The following THSD7A variants were observed in gnomAD, a reference collection of about 807,000 sequenced individuals.
THSD7A encodes thrombospondin type-1 domain-containing protein 7A.
Under a neutral mutation model 231.3 loss-of-function variants are expected in THSD7A, and 96 were observed. The observed-to-expected ratio is 0.41, with a 90% CI of 0.35 to 0.49. THSD7A has a LOEUF of 0.49. THSD7A is among the 20% of genes least tolerant of loss of function. The probability of loss-of-function intolerance (pLI) is 0.05; values close to 1 mark genes in which losing one functional copy is unlikely to be tolerated. For missense variants in THSD7A, 2,290 were observed against 2,070.2 expected (o/e 1.11, Z -2.06); for synonymous variants, 940 against 743.3 (o/e 1.26, Z -4.30).
chr7:11,462,872 C>T (rs1785557151), intron 9 of THSD7A, among the ~76,000 whole-genome samples: 1 of 152,060 alleles, frequency 6.6e-6, no homozygotes, highest in East Asian at 1.9e-4. Context: ...GACAGTATGA[C>T]TGATGTAAGG....
chr7:11,549,632 A>G (rs756018377), intron 4 of THSD7A, among the ~76,000 whole-genome samples: 5 of 152,138 alleles, frequency 3.3e-5, no homozygotes, highest in Non-Finnish European at 5.9e-5. Flanking sequence ...TTGAAGGGAC[A>G]TGGATGGAGC....
intron 1 of THSD7A, among the ~76,000 whole-genome samples, chr7:11,743,229 C>A (rs979167983): frequency 3.3e-5 from 5 of 151,938 alleles, no homozygotes; most frequent in Non-Finnish European, 5.9e-5. Context: ...GTTATCTTTA[C>A]AAGGCAGCTC....
chr7:11,412,439 A>G (rs1277508366), intron 18 of THSD7A, among the ~76,000 whole-genome samples: 3 of 152,192 alleles, frequency 2.0e-5, no homozygotes, highest in Non-Finnish European at 4.4e-5. Context: ...TTAAGGGCTA[A>G]TGTCTGTTGA....
At chr7:11,714,816 C>A (rs1315217373) in intron 1 of THSD7A, among the ~76,000 whole-genome samples, 1 of 151,338 alleles carries the variant, frequency 6.6e-6, no homozygotes, top group African/African-American at 2.4e-5. Flanking sequence ...CCATTTAGCT[C>A]TTTTCTACCA....
intron 1 of THSD7A, among the ~76,000 whole-genome samples, chr7:11,704,220 C>A (rs547540752): frequency 2.6e-5 from 4 of 151,026 alleles, no homozygotes; most frequent in South Asian, 4.2e-4. Context: ...TCACAGTACA[C>A]CATTACTCCT....
At chr7:11,398,377 G>A (rs1470549390) in intron 23 of THSD7A, among the ~76,000 whole-genome samples, 1 of 151,974 alleles carries the variant, frequency 6.6e-6, no homozygotes, top group Admixed American at 6.6e-5. Flanking sequence ...CACACACTGG[G>A]GCCTGTCGAG....
intron 6 of THSD7A, among the ~76,000 whole-genome samples, chr7:11,501,872 T>C: frequency 6.6e-6 from 1 of 152,014 alleles, no homozygotes; most frequent in East Asian, 1.9e-4. Context: ...AGTAATAAAA[T>C]AGTTTAGCCA....
At chr7:11,617,980 G>A (rs1299916377) in intron 2 of THSD7A, among the ~76,000 whole-genome samples, 3 of 152,090 alleles carry the variant, frequency 2.0e-5, no homozygotes, top group Non-Finnish European at 4.4e-5. Flanking sequence ...AGAACTTAAA[G>A]TATAACAATA....
At chr7:11,404,079 C>T (rs1783500487) in intron 22 of THSD7A, among the ~76,000 whole-genome samples, 1 of 152,090 alleles carries the variant, frequency 6.6e-6, no homozygotes, top group Non-Finnish European at 1.5e-5. Context: ...TGTGTTTGCT[C>T]TATGTTATCA....
chr7:11,819,121 C>T (rs1417535142), intron 1 of THSD7A, among the ~76,000 whole-genome samples: 1 of 152,058 alleles, frequency 6.6e-6, no homozygotes, highest in Non-Finnish European at 1.5e-5. Context: ...TAGGGAACTG[C>T]AAATTGAAAC....
chr7:11,663,025 A>G (rs1782989641), intron 1 of THSD7A, among the ~76,000 whole-genome samples: 1 of 151,276 alleles, frequency 6.6e-6, no homozygotes, highest in African/African-American at 2.4e-5. Context: ...TAATAAAATG[A>G]AGCCAAAGAA....
chr7:11,670,274 C>T (rs1783328567), intron 1 of THSD7A, among the ~76,000 whole-genome samples: 1 of 152,106 alleles, frequency 6.6e-6, no homozygotes, highest in African/African-American at 2.4e-5. Context: ...AGGAGTTTAA[C>T]CTTTAGGTTC....
intron 1 of THSD7A, among the ~76,000 whole-genome samples, chr7:11,691,763 A>G (rs1357061691): frequency 6.6e-6 from 1 of 151,400 alleles, no homozygotes; most frequent in Non-Finnish European, 1.5e-5. Flanking sequence ...CAACTTTAGT[A>G]GCTATTAAAC....
At chr7:11,741,835 A>C (rs1782125308) in intron 1 of THSD7A, among the ~76,000 whole-genome samples, 1 of 151,938 alleles carries the variant, frequency 6.6e-6, no homozygotes, top group African/African-American at 2.4e-5. Flanking sequence ...AATAGTATTT[A>C]TAAAACTACC....
chr7:11,405,374 C>G (rs1408647717), intron 22 of THSD7A, among the ~76,000 whole-genome samples: 1 of 151,944 alleles, frequency 6.6e-6, no homozygotes, highest in Non-Finnish European at 1.5e-5. Context: ...ATTTTGAGGT[C>G]ACATTCAAAA....
At chr7:11,558,024 T>C (rs1789921094) in intron 4 of THSD7A, among the ~76,000 whole-genome samples, 1 of 152,166 alleles carries the variant, frequency 6.6e-6, no homozygotes, top group Admixed American at 6.6e-5. Flanking sequence ...GTTGGTCTTT[T>C]ATTTGTCCTT....
chr7:11,663,368 A>T (rs1317786861), intron 1 of THSD7A, among the ~76,000 whole-genome samples: 1 of 151,610 alleles, frequency 6.6e-6, no homozygotes, highest in Non-Finnish European at 1.5e-5. Context: ...TAATGAAAAC[A>T]TGTCTGCAAG....
At chr7:11,776,572 G>T (rs1431790968) in intron 1 of THSD7A, among the ~76,000 whole-genome samples, 1 of 152,056 alleles carries the variant, frequency 6.6e-6, no homozygotes, top group Non-Finnish European at 1.5e-5. Context: ...ACTGTATAAG[G>T]TTTGTCTTTG....
chr7:11,602,629 A>G lies in THSD7A; in HGVS notation c.1023-9127T>C, dbSNP rs566946708. ...GAAAATGGATTTTTCCTTGGTCTCA[A>G]TTTAGACAGTTTTGGGTGAGCAGTG... On this transcript the variant is annotated intron_variant, in intron 2 of 27. Transcript: ENST00000423059. Among the ~76,000 whole-genome samples the G allele has an allele frequency of 4.6e-5, 7 of 152,064 alleles. 2 individuals are homozygous for G. The highest frequency in any genetic ancestry group is 1.7e-4 in the African/African-American group (7 of 41,514).
Sources: allele counts gnomAD v4.1 joint callset (sites outside exome capture counted in the v4.1 genomes callset), GRCh38; gene constraint gnomAD v4.1.1; transcripts MANE v1.5; gene names NCBI Gene and HGNC (gene_info 2026-07-23, HGNC 2026-07-21).